The following MIB2 variants were observed in gnomAD, a reference collection of about 807,000 sequenced individuals.
The protein encoded by MIB2 is E3 ubiquitin-protein ligase MIB2.
MIB2 carries 78 observed loss-of-function variants against 96.6 expected under a neutral mutation model. That is an observed-to-expected ratio of 0.81 (90% CI 0.67 to 0.97). The LOEUF (loss-of-function observed/expected upper bound fraction) is 0.97. MIB2 is among the 50% of genes least tolerant of loss of function. The pLI, the probability that MIB2 is intolerant of heterozygous loss-of-function variation, is 0.00. For synonymous variants in MIB2, 820 were observed against 629.5 expected, an observed-to-expected ratio of 1.30 and a Z score of -4.53; for missense variants, 1,543 against 1,424.0, an observed-to-expected ratio of 1.08 and a Z score of -1.35.
rs576290912 is a variant in MIB2 at position 1,625,813 on chromosome 1, G to A, written c.972+160G>A. ...GGGACTGGTGGGTGGAGGTGGGTGGGGTCAAGGAGAAGAGGGGGTTGGGTG... is the reference window on the plus strand; with the variant it reads ...GGGACTGGTGGGTGGAGGTGGGTGGAGTCAAGGAGAAGAGGGGGTTGGGTG... On this transcript the variant is annotated intron_variant, in intron 8 of 19. Coordinates refer to ENST00000355826, the MANE Select transcript of MIB2 (RefSeq NM_001170687.4). The surrounding 1 kb of genome is among the most constrained non-coding windows in gnomAD (Gnocchi z 5.0). 15 of 626,184 alleles carry A rather than the reference G, an allele frequency of 2.4e-5. No homozygotes were observed. The South Asian group carries it at 2.5e-4, about 10-fold the overall frequency. The allele number at this position is 626,184 out of a possible 1,614,324, so 38.8% of individuals were successfully genotyped here. A position where few individuals can be genotyped will look rare whatever the true frequency, so the allele number is the denominator to read the frequency against.
At chr1:1,628,893 C>T (rs1645081449) in intron 16 of MIB2, 171 bp downstream of exon 16, 31 of 733,802 alleles carry the variant, frequency 4.2e-5, no homozygotes, top group Non-Finnish European at 6.2e-5. Flanking sequence ...TCAGCCTGCA[C>T]CCCTAGGCAG....
At position 1,625,795 on chromosome 1, in the gene MIB2, G is replaced by A; in HGVS notation, c.972+142G>A. 1 of 661,476 alleles carries A rather than the reference G, an allele frequency of 1.5e-6. No homozygotes were observed. The highest frequency in any genetic ancestry group is 2.6e-6 in the Non-Finnish European group (1 of 384,904). The allele number at this position is 661,476 out of a possible 1,614,324, so 41.0% of individuals were successfully genotyped here. The stretch of plus-strand genomic sequence containing the variant: ...AGCCCTGAAGGAAGGGGAGGGACTG[G>A]TGGGTGGAGGTGGGTGGGGTCAAGG... On this transcript the variant is annotated intron_variant, in intron 8 of 19. Coordinates refer to ENST00000355826, the MANE Select transcript of MIB2 (RefSeq NM_001170687.4). The surrounding 1 kb of genome is among the most constrained non-coding windows in gnomAD (Gnocchi z 5.0).
In MIB2 at chr1:1,628,510, C is replaced by T. The variant is rs777998220; in HGVS notation, c.1990C>T (p.Arg664Cys). The T allele has an allele frequency of 3.6e-5, 58 of 1,599,952 alleles. No individual in the cohort carries two copies. The highest frequency in any genetic ancestry group is 2.2e-4 in the Admixed American group (13 of 59,530). ...IREGRCDVNV[R>C]NRKLQSPLHL... ...CCAGGGCCGCTGTGACGTGAACGTG[C>T]GCAACCGGAAGCTGCAGTCCCCGCT... Residue 664 changes from arginine to cysteine, a missense_variant, in exon 16 of 20, where the codon CGC (arginine) becomes TGC (cysteine). Arg to Cys is a radical substitution (Grantham distance 180). Transcript: ENST00000355826.
In MIB2 at chr1:1,626,442, C is replaced by G. The variant is rs1644770786; in HGVS notation, c.973-208C>G. 4 of 567,184 alleles carry G rather than the reference C, an allele frequency of 7.1e-6. No individual in the cohort carries two copies. Among genetic ancestry groups the G allele is most frequent in the Non-Finnish European group, 9.3e-6 (3 of 322,742 alleles). The allele number at this position is 567,184 out of a possible 1,614,324, so 35.1% of individuals were successfully genotyped here. The stretch of plus-strand genomic sequence containing the variant: ...GTCTGCCTGGACACTCCTCCCATGG[C>G]TCTGGGGCTAGGGACACCCAGGGCT... On this transcript the variant is annotated intron_variant, in intron 8 of 19. Coordinates refer to ENST00000355826, the MANE Select transcript of MIB2 (RefSeq NM_001170687.4). This position sits in a 1 kb window ranked among gnomAD's most constrained non-coding sequence, Gnocchi z 5.3.
rs777584906 is a variant in MIB2 at position 1,626,799 on chromosome 1, C to T, written c.1078-38C>T. 72 of 1,594,372 alleles carry T rather than the reference C, an allele frequency of 4.5e-5. No homozygotes were observed. The highest frequency in any genetic ancestry group is 5.5e-5 in the Non-Finnish European group (64 of 1,174,224). On this transcript the variant is annotated intron_variant, in intron 9 of 19. Transcript: ENST00000355826. This position sits in a 1 kb window ranked among gnomAD's most constrained non-coding sequence, Gnocchi z 5.3. ...CCGCCGCTAGCGCCGCTGCCCCCCA[C>T]ACCTGCAGCCTGCTGTGACCCCCTC...
chr1:1,625,298 A>G lies in MIB2; in HGVS notation c.734A>G (p.Glu245Gly). ...CCACCCTCCGCAGGCAAGCCGGCGG[A>G]GCTGCAGCGCAGGGTGAGTGCTGAC... ...DHLPRLGKPA[E>G]LQRRVSADSQ... The change falls in exon 7 of 20, where the codon GAG becomes GGG. Residue 245 changes from glutamate to glycine, a missense_variant. Glu to Gly is a moderately conservative substitution (Grantham distance 98, BLOSUM62 -2). Coordinates refer to ENST00000355826, the MANE Select transcript of MIB2 (RefSeq NM_001170687.4). The surrounding 1 kb of genome is among the most constrained non-coding windows in gnomAD (Gnocchi z 5.0). The G allele has an allele frequency of 6.3e-7, 1 of 1,586,932 alleles. No individual in the cohort carries two copies. Among genetic ancestry groups the G allele is most frequent in the Non-Finnish European group, 8.6e-7 (1 of 1,168,444 alleles).
At chr1:1,630,235 T>C (rs2100599268) in intron 19 of MIB2, 57 bp from the exon 20 acceptor site, 2 of 147,790 alleles carry the variant, frequency 1.4e-5, no homozygotes, top group Non-Finnish European at 2.1e-5. Flanking sequence ...CGCAGCTCCC[T>C]GCTCCCCGCA....
Position 1,625,183 on chromosome 1 carries a change from T to G in MIB2, c.719T>G (p.Leu240Arg). The G allele has an allele frequency of 6.2e-7, 1 of 1,609,728 alleles. No individual in the cohort carries two copies. The highest frequency in any genetic ancestry group is 8.5e-7 in the Non-Finnish European group (1 of 1,178,236). Reference protein sequence around the residue: ...GFYYKDHLPRLGKPAELQRRV... With the variant: ...GFYYKDHLPRRGKPAELQRRV... ...TACTACAAGGACCACCTCCCAAGGC[T>G]CGGTATGAGGCTGTCACACTGACTC... The change falls in exon 6 of 20, where the codon CTC (leucine) becomes CGC (arginine). Residue 240 changes from leucine (L) to arginine (R), a missense_variant and splice_region_variant. Transcript: ENST00000355826. This position sits in a 1 kb window ranked among gnomAD's most constrained non-coding sequence, Gnocchi z 5.0.
intron 2 of MIB2, chr1:1,623,051 A>G: frequency 6.0e-6 from 2 of 331,884 alleles, no homozygotes; most frequent in South Asian, 6.6e-5. Context: ...GTCTCGGGGG[A>G]CGGCAGCTCT....
At chr1:1,624,106 C>T in intron 4 of MIB2, 161 bp downstream of exon 4, 1 of 890,846 alleles carries the variant, frequency 1.1e-6, no homozygotes, top group African/African-American at 1.7e-5. Context: ...GGGCAGGGCA[C>T]AGAGGGTGGC....
At chr1:1,615,416 C>A (rs924388727), upstream of MIB2, 206 of 1,475,122 alleles carry the variant, frequency 1.4e-4, no homozygotes, top group Non-Finnish European at 1.8e-4. Flanking sequence ...GCGTGACGCA[C>A]TTCCGGTGCT....
chr1:1,626,763 C>A lies in MIB2; in HGVS notation c.1077+9C>A. 6.4e-7 allele frequency: 1 copy of A among 1,554,042 alleles called. No individual in the cohort carries two copies. Among genetic ancestry groups the A allele is most frequent in the East Asian group, 2.4e-5 (1 of 42,532 alleles). ...CGGACGACATGGCCCCTGTGAGTCC[C>A]CCTGCCACCCCCGCCGCTAGCGCCG... On this transcript the variant is annotated intron_variant, in intron 9 of 19. Transcript: ENST00000355826. This position sits in a 1 kb window ranked among gnomAD's most constrained non-coding sequence, Gnocchi z 5.3.
At chr1:1,628,894 C>T (rs1052795395) in intron 16 of MIB2, 172 bp downstream of exon 16, 9 of 730,368 alleles carry the variant, frequency 1.2e-5, no homozygotes, top group East Asian at 2.8e-5. Flanking sequence ...CAGCCTGCAC[C>T]CCTAGGCAGC....
At position 1,623,948 on chromosome 1, in the gene MIB2, G is replaced by A. The variant is rs777001060; in HGVS notation, c.419+3G>A. 21 of 1,603,776 alleles carry A rather than the reference G, an allele frequency of 1.3e-5. No individual in the cohort carries two copies. In the East Asian group the frequency reaches 4.5e-4, roughly 34 times the overall value. ...TACGAGACCGCTCACTCGCGCCCGTGAGTCCCGGGCCGCACCGGCTCCTGT... is the reference window on the plus strand; with the variant it reads ...TACGAGACCGCTCACTCGCGCCCGTAAGTCCCGGGCCGCACCGGCTCCTGT... On this transcript the variant is annotated splice_donor_region_variant and intron_variant, in intron 4 of 19. Transcript: ENST00000355826.
rs746509657 is a variant in MIB2 at position 1,629,330 on chromosome 1, G to A, written c.2381+19G>A. The A allele has an allele frequency of 2.0e-6, 3 of 1,466,016 alleles. No homozygotes were observed. Among genetic ancestry groups the A allele is most frequent in the Non-Finnish European group, 2.7e-6 (3 of 1,122,892 alleles). The allele number at this position is 1,466,016 out of a possible 1,614,324, so 90.8% of individuals were successfully genotyped here. The stretch of plus-strand genomic sequence containing the variant: ...GCTTCCGGTGAGTCCGTGGACGGCG[G>A]GGATGGGGTCCGGCGGCCTCCGGGC... On this transcript the variant is annotated intron_variant, in intron 17 of 19. Transcript: ENST00000355826.
chr1:1,629,421 C>T lies in MIB2; in HGVS notation c.2418C>T (p.Pro806=), dbSNP rs781773500. The T allele has an allele frequency of 9.7e-5, 144 of 1,489,342 alleles. No individual in the cohort carries two copies. The highest frequency in any genetic ancestry group is 1.2e-4 in the Non-Finnish European group (137 of 1,129,476). The allele number at this position is 1,489,342 out of a possible 1,614,324, so 92.3% of individuals were successfully genotyped here. A position where few individuals can be genotyped will look rare whatever the true frequency, so the allele number is the denominator to read the frequency against. ...CGGGCGGGGGCGCGGCCCCGGGCCCCAGGCAAACGCTCGGGACCCCCAACA... is the reference window on the plus strand; with the variant it reads ...CGGGCGGGGGCGCGGCCCCGGGCCCTAGGCAAACGCTCGGGACCCCCAACA... ...RQAGGGAAPG[P]RQTLGTPNTV... is the part of the protein sequence containing the mutation. The change falls in exon 18 of 20, where the codon CCC becomes CCT. Residue 806 remains proline (P), a synonymous_variant. Transcript: ENST00000355826.
Position 1,626,538 on chromosome 1 carries a change from G to A in MIB2, c.973-112G>A. 1.1e-6 allele frequency: 1 copy of A among 928,952 alleles called. No homozygotes were observed. The allele number at this position is 928,952 out of a possible 1,614,324, so 57.5% of individuals were successfully genotyped here. A position where few individuals can be genotyped will look rare whatever the true frequency, so the allele number is the denominator to read the frequency against. Reference sequence around the variant, plus strand: ...GCCTGGGGTCGGGGTCGGGGCCGGGGCCGAGTCAGGCCTGCCTGTCTCGTG... The same window carrying A: ...GCCTGGGGTCGGGGTCGGGGCCGGGACCGAGTCAGGCCTGCCTGTCTCGTG... On this transcript the variant is annotated intron_variant, in intron 8 of 19. Coordinates refer to ENST00000355826, the MANE Select transcript of MIB2 (RefSeq NM_001170687.4). The surrounding 1 kb of genome is among the most constrained non-coding windows in gnomAD (Gnocchi z 5.3).
Position 1,625,331 on chromosome 1 carries a change from C to T in MIB2, c.767C>T (p.Pro256Leu), listed in dbSNP as rs1318918225. 1.3e-6 allele frequency: 2 copies of T among 1,578,840 alleles called. No individual in the cohort carries two copies. The highest frequency in any genetic ancestry group is 1.7e-6 in the Non-Finnish European group (2 of 1,163,250). ...CGCAGGGTGAGTGCTGACAGCCAGC[C>T]CTTCCAGCACGGGGACAAGGTCAAG... ...LQRRVSADSQ[P>L]FQHGDKVKCL... The change falls in exon 7 of 20, where the codon CCC becomes CTC. Residue 256 changes from proline to leucine, a missense_variant. Physicochemically the swap from Pro to Leu is moderately conservative, Grantham distance 98. Transcript: ENST00000355826. This position sits in a 1 kb window ranked among gnomAD's most constrained non-coding sequence, Gnocchi z 5.0.
upstream of MIB2, chr1:1,613,769 C>T (rs34501155): frequency 0.25 from 37,543 of 152,096 alleles, 5,863 homozygotes; most frequent in Non-Finnish European, 0.34. Flanking sequence ...TGGTAGAGAG[C>T]TTAGGATTTT....
Sources: gnomAD v4.1 joint callset for allele counts on GRCh38, gnomAD v4.1.1 for gene constraint, Gnocchi (gnomAD v3.1) non-coding constraint, MANE v1.5 for transcripts, NCBI Gene and HGNC (gene_info 2026-07-23, HGNC 2026-07-21) for gene names.